The following JADE2 variants were observed in gnomAD, a reference collection of about 807,000 sequenced individuals.
JADE2 encodes E3 ubiquitin-protein ligase Jade-2.
Under a neutral mutation model 85.7 loss-of-function variants are expected in JADE2, and 13 were observed. The observed-to-expected ratio is 0.15, with a 90% CI of 0.10 to 0.24. JADE2 has a LOEUF of 0.24. JADE2 is among the 10% of genes least tolerant of loss of function. JADE2 has a pLI of 1.00. For missense variants in JADE2, 846 were observed against 1,115.9 expected, an observed-to-expected ratio of 0.76 and a Z score of 3.45; for synonymous variants, 440 against 456.1, an observed-to-expected ratio of 0.96 and a Z score of 0.45.
chr5:134,568,748 C>T (rs1026492207), intron 9 of JADE2, among the ~76,000 whole-genome samples: 3 of 152,230 alleles, frequency 2.0e-5, no homozygotes, highest in Admixed American at 6.5e-5. Context: ...CCCCCATCAG[C>T]GGCCCAGCCT....
chr5:134,537,879 C>T, intron 2 of JADE2, 110 bp from the exon 3 acceptor site: 1 of 778,692 alleles, frequency 1.3e-6, no homozygotes, highest in Admixed American at 2.1e-5. Context: ...AGGTTTCTCC[C>T]TCATGAACAT....
At chr5:134,577,759 G>T (rs1002407254) in intron 11 of JADE2, among the ~76,000 whole-genome samples, 1 of 152,092 alleles carries the variant, frequency 6.6e-6, no homozygotes, top group Non-Finnish European at 1.5e-5. Context: ...CCAGTCTCCC[G>T]TCTCGCCAGC....
chr5:134,577,157 A>G, intron 11 of JADE2: 2 of 400,442 alleles, frequency 5.0e-6, no homozygotes, highest in South Asian at 8.8e-5. Context: ...GGAACTGTCC[A>G]GTCATTCCCC....
At chr5:134,542,943 G>A (rs1166331019) in intron 3 of JADE2, among the ~76,000 whole-genome samples, 1 of 151,924 alleles carries the variant, frequency 6.6e-6, no homozygotes, top group Non-Finnish European at 1.5e-5. Flanking sequence ...ATGTTGGCCA[G>A]GCTGGTCTCA....
At position 134,580,220 on chromosome 5, in the gene JADE2, G is replaced by A. The variant is rs908282013; in HGVS notation, c.*903G>A. ...CGAAGTCTGGTCACGCTCAGACAGA[G>A]CTGACCAGACCAGACCGTTTGCCTT... On this transcript the variant is annotated 3_prime_UTR_variant, in exon 12 of 12. Coordinates refer to ENST00000681547, the MANE Select transcript of JADE2 (RefSeq NM_001388185.1). The A allele has an allele frequency of 2.0e-5, 3 of 152,728 alleles. No homozygotes were observed. The highest frequency in any genetic ancestry group is 1.5e-5 in the Non-Finnish European group (1 of 68,102). 9.5% of individuals were successfully genotyped at this position (152,728 alleles called of 1,614,324 possible).
intron 4 of JADE2, among the ~76,000 whole-genome samples, chr5:134,557,214 TGA>T (rs1763010335): frequency 6.6e-6 from 1 of 150,504 alleles, no homozygotes; most frequent in African/African-American, 2.4e-5. Flanking sequence ...ATGATGATGA[TGA>T]TGATGATTAT....
At chr5:134,572,588 G>C (rs1764103341) in intron 9 of JADE2, among the ~76,000 whole-genome samples, 1 of 152,228 alleles carries the variant, frequency 6.6e-6, no homozygotes, top group South Asian at 2.1e-4. Flanking sequence ...AAAGACCCTG[G>C]TGGGACCCAG....
intron 9 of JADE2, among the ~76,000 whole-genome samples, chr5:134,569,299 C>T (rs1208452842): frequency 6.6e-6 from 1 of 152,164 alleles, no homozygotes; most frequent in South Asian, 2.1e-4. Context: ...GCCTGGGAAC[C>T]CAGCATCCTC....
At chr5:134,526,745 G>T in intron 1 of JADE2, 1 of 985,538 alleles carries the variant, frequency 1.0e-6, no homozygotes, top group Non-Finnish European at 1.2e-6. Context: ...AGGGGCGGGG[G>T]ACACCCTTTC....
rs1581495180 is a variant in JADE2 at position 134,578,936 on chromosome 5, T to C, written c.2124T>C (p.Cys708=). 35 of 1,613,200 alleles carry C rather than the reference T, an allele frequency of 2.2e-5. No homozygotes were observed. The East Asian group carries it at 7.8e-4, about 36-fold the overall frequency. The change falls in exon 12 of 12, where the codon TGT becomes TGC. Residue 708 remains cysteine (C), a synonymous_variant. Transcript: ENST00000681547. The surrounding 1 kb of genome is among the most constrained non-coding windows in gnomAD (Gnocchi z 4.4). The stretch of plus-strand genomic sequence containing the variant: ...CGTCCAGCCCTGCAGCCGGGGACTG[T>C]CCCATCCTAGCCACCCCTGAAAGCC... The part of the protein sequence containing the change: ...HLPSSPAAGD[C]PILATPESPP...
At chr5:134,557,422 C>T (rs1763047459) in intron 4 of JADE2, among the ~76,000 whole-genome samples, 1 of 130,994 alleles carries the variant, frequency 7.6e-6, no homozygotes, top group Non-Finnish European at 1.6e-5. Context: ...GGTACATGTG[C>T]ACATTGTGCA....
At chr5:134,567,353 C>T (rs1222663258) in intron 9 of JADE2, among the ~76,000 whole-genome samples, 1 of 152,158 alleles carries the variant, frequency 6.6e-6, no homozygotes, top group Non-Finnish European at 1.5e-5. Flanking sequence ...TGGCTGAAAA[C>T]CACCCCCAGC....
At chr5:134,572,302 G>A (rs1038394464) in intron 9 of JADE2, among the ~76,000 whole-genome samples, 7 of 152,258 alleles carry the variant, frequency 4.6e-5, no homozygotes, top group East Asian at 1.9e-4. Context: ...ACACACCAGC[G>A]TGGAAGGCCA....
chr5:134,526,122 C>T (rs1045706853), intron 1 of JADE2, 111 bp downstream of exon 1: 301 of 985,386 alleles, frequency 3.1e-4, no homozygotes, highest in Non-Finnish European at 3.5e-4. Context: ...CTTGCTCGCT[C>T]GCTCCCTCTC....
chr5:134,550,938 C>A (rs145514989), intron 3 of JADE2, among the ~76,000 whole-genome samples: 4 of 152,312 alleles, frequency 2.6e-5, no homozygotes, highest in East Asian at 1.9e-4. Context: ...TCCTACCCCC[C>A]CTTCCCCAAC....
intron 1 of JADE2, 26 bp from the exon 2 acceptor site, chr5:134,535,832 T>G: frequency 1.2e-6 from 2 of 1,610,850 alleles, no homozygotes; most frequent in Non-Finnish European, 1.7e-6. Context: ...CATCCGTGAG[T>G]ATAATGGGCT....
Position 134,560,968 on chromosome 5 carries a change from C to A in JADE2, c.684+11C>A. ...GTCTGTGTGCATCAGGTGGGCAGACCCCCCAGTCACCCTCACCTGTGCCAT... is the reference window on the plus strand; with the variant it reads ...GTCTGTGTGCATCAGGTGGGCAGACACCCCAGTCACCCTCACCTGTGCCAT... On this transcript the variant is annotated intron_variant, in intron 6 of 11. Transcript: ENST00000681547. 6.2e-7 allele frequency: 1 copy of A among 1,605,892 alleles called. No homozygotes were observed. The highest frequency in any genetic ancestry group is 8.5e-7 in the Non-Finnish European group (1 of 1,174,470).
chr5:134,561,576 A>T (rs1359570602), intron 6 of JADE2, among the ~76,000 whole-genome samples: 1 of 152,058 alleles, frequency 6.6e-6, no homozygotes, highest in Non-Finnish European at 1.5e-5. Context: ...TTGACTGCAG[A>T]CCTGACTGGG....
At chr5:134,568,274 G>A (rs866024582) in intron 9 of JADE2, among the ~76,000 whole-genome samples, 1 of 152,236 alleles carries the variant, frequency 6.6e-6, no homozygotes, top group East Asian at 1.9e-4. Flanking sequence ...ATAACAGGAA[G>A]TCTTAGAGGA....
Sources: gnomAD v4.1 joint callset for allele counts (sites outside exome capture counted in the v4.1 genomes callset) on GRCh38, gnomAD v4.1.1 for gene constraint, Gnocchi (gnomAD v3.1) non-coding constraint, MANE v1.5 for transcripts, NCBI Gene and HGNC (gene_info 2026-07-23, HGNC 2026-07-21) for gene names.